NTF3: variants seen among roughly 807,000 people sequenced by gnomAD.
The protein encoded by NTF3 is neurotrophin-3.
A neutral mutation model predicts 26.3 loss-of-function variants in NTF3; 8 were observed. The observed-to-expected ratio is 0.30, with a 90% confidence interval of 0.18 to 0.55. The LOEUF is 0.55. Among genes scored for constraint, NTF3 ranks in the 20% least tolerant of loss-of-function variants. The pLI, the probability that NTF3 is intolerant of heterozygous loss-of-function variation, is 0.93. For missense variants in NTF3, 276 were observed against 352.9 expected, an observed-to-expected ratio of 0.78 and a Z score of 1.75; for synonymous variants, 154 against 145.5, an observed-to-expected ratio of 1.06 and a Z score of -0.42.
chr12:5,475,810 T>C (rs747612915), intron 1 of NTF3, among the ~76,000 whole-genome samples: 6 of 141,042 alleles, frequency 4.3e-5, no homozygotes, highest in Admixed American at 2.3e-4. Context: ...CACTCTAGAC[T>C]GAGTGACAGA....
intron 1 of NTF3, among the ~76,000 whole-genome samples, chr12:5,486,044 A>G (rs917773297): frequency 2.0e-5 from 3 of 152,180 alleles, no homozygotes; most frequent in Admixed American, 6.5e-5. Flanking sequence ...ACCGCCAATC[A>G]ATATAGCCGC....
intron 1 of NTF3, among the ~76,000 whole-genome samples, chr12:5,450,191 C>T (rs534916053): frequency 6.6e-6 from 1 of 152,188 alleles, no homozygotes; most frequent in African/African-American, 2.4e-5. Flanking sequence ...GACAGCTGTT[C>T]CTCTGGGCCT....
At chr12:5,449,738 G>C (rs1285546633) in intron 1 of NTF3, among the ~76,000 whole-genome samples, 1 of 152,178 alleles carries the variant, frequency 6.6e-6, no homozygotes, top group Non-Finnish European at 1.5e-5. Flanking sequence ...TCCTCCAACA[G>C]TAAGCTACTG....
intron 1 of NTF3, among the ~76,000 whole-genome samples, chr12:5,493,177 A>G (rs192865085): frequency 6.6e-6 from 1 of 152,344 alleles, no homozygotes; most frequent in East Asian, 1.9e-4. Flanking sequence ...GGGAGAGACT[A>G]GCAATGAAGG....
chr12:5,466,896 A>C (rs1252832203), intron 1 of NTF3, among the ~76,000 whole-genome samples: 1 of 152,128 alleles, frequency 6.6e-6, no homozygotes, highest in East Asian at 1.9e-4. Flanking sequence ...AGGAAGCAAC[A>C]GGGACCTGCT....
chr12:5,437,079 C>T (rs1043677434), intron 1 of NTF3, among the ~76,000 whole-genome samples: 2 of 152,118 alleles, frequency 1.3e-5, no homozygotes, highest in Non-Finnish European at 2.9e-5. Flanking sequence ...TCTTTGTGCC[C>T]AGTGCAGCAA....
intron 1 of NTF3, among the ~76,000 whole-genome samples, chr12:5,432,624 T>C (rs1365170813): frequency 7.4e-6 from 1 of 135,544 alleles, no homozygotes; most frequent in East Asian, 2.2e-4. Context: ...GACACCCTTC[T>C]CCACCTCCTC....
intron 1 of NTF3, among the ~76,000 whole-genome samples, chr12:5,447,625 G>A (rs1940322305): frequency 1.3e-5 from 2 of 152,212 alleles, no homozygotes; most frequent in Non-Finnish European, 2.9e-5. Context: ...GGTTTCAGGT[G>A]AGATGATGCA....
In NTF3 at chr12:5,433,539, T is replaced by G. The variant is rs1409290562; in HGVS notation, c.18+1197T>G. On this transcript the variant is annotated intron_variant, in intron 1 of 1. Coordinates refer to ENST00000423158, the MANE Select transcript of NTF3 (RefSeq NM_001102654.2). This position sits in a 1 kb window ranked among gnomAD's most constrained non-coding sequence, Gnocchi z 4.6. Reference sequence around the variant, plus strand: ...GGGTGCGCGTCCAGGAGGCGCTGCTTCTTTGCGGGAGTTTGGCTGCTGCGT... The same window carrying G: ...GGGTGCGCGTCCAGGAGGCGCTGCTGCTTTGCGGGAGTTTGGCTGCTGCGT... 2.0e-5 allele frequency among the ~76,000 whole-genome samples: 3 copies of G among 152,024 alleles called. No homozygotes were observed. Among genetic ancestry groups the G allele is most frequent in the East Asian group, 3.9e-4 (2 of 5,118 alleles).
At position 5,494,182 on chromosome 12, in the gene NTF3, T is replaced by C; in HGVS notation, c.19-12T>C. ...CCAGAGCCTGCTCTTAACACCTGTGTTTCCTTTTCAGATCTTACAGGTGAA... is the reference window on the plus strand; with the variant it reads ...CCAGAGCCTGCTCTTAACACCTGTGCTTCCTTTTCAGATCTTACAGGTGAA... On this transcript the variant is annotated splice_polypyrimidine_tract_variant and intron_variant, in intron 1 of 1. Coordinates refer to ENST00000423158, the MANE Select transcript of NTF3 (RefSeq NM_001102654.2). This position sits in a 1 kb window ranked among gnomAD's most constrained non-coding sequence, Gnocchi z 8.3. 6.2e-7 allele frequency: 1 copy of C among 1,609,760 alleles called. No individual in the cohort carries two copies. The highest frequency in any genetic ancestry group is 1.7e-4 in the Middle Eastern group (1 of 6,004).
At chr12:5,435,180 G>A (rs572239236) in intron 1 of NTF3, among the ~76,000 whole-genome samples, 23 of 152,302 alleles carry the variant, frequency 1.5e-4, no homozygotes, top group African/African-American at 5.1e-4. Flanking sequence ...CTGGTGTCAG[G>A]GATGCATGTT....
At chr12:5,463,222 C>A (rs1235382380) in intron 1 of NTF3, among the ~76,000 whole-genome samples, 1 of 152,176 alleles carries the variant, frequency 6.6e-6, no homozygotes, top group Admixed American at 6.5e-5. Flanking sequence ...ATCATGATTT[C>A]ATACATCCTG....
intron 1 of NTF3, among the ~76,000 whole-genome samples, chr12:5,447,301 CA>C (rs1410252141): frequency 3.9e-5 from 6 of 152,264 alleles, no homozygotes; most frequent in African/African-American, 1.4e-4. Flanking sequence ...AACATGTTTG[CA>C]AGAAAGCGTG....
chr12:5,445,874 G>A (rs10744682), intron 1 of NTF3, among the ~76,000 whole-genome samples: 63,829 of 152,062 alleles, frequency 0.42, 14,619 homozygotes, highest in East Asian at 0.84. Flanking sequence ...AACTAATATG[G>A]GCTAAGGCCT....
At chr12:5,466,437 T>TG (rs1238016901) in intron 1 of NTF3, among the ~76,000 whole-genome samples, 1 of 152,238 alleles carries the variant, frequency 6.6e-6, no homozygotes, top group East Asian at 1.9e-4. Flanking sequence ...AAAAATGTCC[T>TG]GCCAGCCCCA....
At chr12:5,468,392 T>C (rs1388654837) in intron 1 of NTF3, among the ~76,000 whole-genome samples, 6 of 152,132 alleles carry the variant, frequency 3.9e-5, no homozygotes, top group South Asian at 2.1e-4. Flanking sequence ...CAAGAACAGC[T>C]ATCTAATTCT....
intron 1 of NTF3, among the ~76,000 whole-genome samples, chr12:5,479,060 G>A (rs1940757122): frequency 6.6e-6 from 1 of 152,174 alleles, no homozygotes; most frequent in Non-Finnish European, 1.5e-5. Flanking sequence ...ATCATCAAAC[G>A]TGTTTTCCTT....
At position 5,433,755 on chromosome 12, in the gene NTF3, G is replaced by A. The variant is rs1429197795; in HGVS notation, c.18+1413G>A. Among the ~76,000 whole-genome samples the A allele has an allele frequency of 2.6e-5, 4 of 151,982 alleles. No homozygotes were observed. The highest frequency in any genetic ancestry group is 9.7e-5 in the African/African-American group (4 of 41,382). On this transcript the variant is annotated intron_variant, in intron 1 of 1. Coordinates refer to ENST00000423158, the MANE Select transcript of NTF3 (RefSeq NM_001102654.2). This position sits in a 1 kb window ranked among gnomAD's most constrained non-coding sequence, Gnocchi z 4.6. ...GCGGCAGGTTCTGAGTCCGAATGGA[G>A]GTTGCTCCCGGGAGCGCCGGGCTCA... is the stretch of plus-strand genomic sequence containing the variant.
intron 1 of NTF3, among the ~76,000 whole-genome samples, chr12:5,444,323 G>A (rs1212802794): frequency 6.6e-6 from 1 of 152,200 alleles, no homozygotes; most frequent in African/African-American, 2.4e-5. Flanking sequence ...AAGAGAGCGT[G>A]AGCAGGGGCT....
Sources: gnomAD v4.1 joint callset for allele counts (sites outside exome capture counted in the v4.1 genomes callset) on GRCh38, gnomAD v4.1.1 for gene constraint, Gnocchi (gnomAD v3.1) non-coding constraint, MANE v1.5 for transcripts, NCBI Gene and HGNC (gene_info 2026-07-23, HGNC 2026-07-21) for gene names.